INO80: variants seen among roughly 807,000 people sequenced by gnomAD.
INO80 encodes chromatin-remodeling ATPase INO80.
INO80 carries 20 observed loss-of-function variants against 203.4 expected under a neutral mutation model. That is an observed-to-expected ratio of 0.10 (90% CI 0.07 to 0.14). INO80 has a LOEUF of 0.14. Ranked by LOEUF, INO80 falls within the 10% of genes least tolerant of loss-of-function variation. INO80 has a pLI of 1.00. For missense variants in INO80, 1,419 were observed against 1,914.4 expected (o/e 0.74, Z 4.83); for synonymous variants, 726 against 685.2 (o/e 1.06, Z -0.93).
chr15:41,073,438 T>C lies in INO80; in HGVS notation c.1385A>G (p.His462Arg). 6.2e-7 allele frequency: 1 copy of C among 1,614,004 alleles called. No homozygotes were observed. Among genetic ancestry groups the C allele is most frequent in the South Asian group, 1.1e-5 (1 of 91,084 alleles). ...LKNAENAYHI[H>R]QARTRSFDED... ...TATCTGAAGACTCACCCGAGCTTGG[T>C]GAATATGGTAAGCATTTTCAGCATT... Residue 462 changes from histidine (H) to arginine (R), a missense_variant, in exon 11 of 36, where the codon CAC (histidine) becomes CGC (arginine). His to Arg is a conservative substitution (Grantham distance 29). Around this residue, in one of 9 missense-constraint regions of INO80, gnomAD observed 116 missense variants for 119.5 expected, o/e 0.97. Coordinates refer to ENST00000648947, the MANE Select transcript of INO80 (RefSeq NM_017553.3).
chr15:41,025,752 A>G (rs73399694), intron 25 of INO80, among the ~76,000 whole-genome samples: 11,155 of 152,098 alleles, frequency 0.073, 1,180 homozygotes, highest in African/African-American at 0.24. Context: ...CCAAAAAACA[A>G]AACACTGGGA....
chr15:41,025,009 C>G (rs757117482), intron 25 of INO80, among the ~76,000 whole-genome samples: 1 of 152,124 alleles, frequency 6.6e-6, no homozygotes, highest in African/African-American at 2.4e-5. Flanking sequence ...CTAATAATCA[C>G]GGTGTAATTA....
intron 1 of INO80, among the ~76,000 whole-genome samples, chr15:41,098,962 C>G (rs1280187358): frequency 6.6e-6 from 1 of 151,748 alleles, no homozygotes; most frequent in Non-Finnish European, 1.5e-5. Flanking sequence ...ATAAAAAAGA[C>G]AGGCTAGACA....
intron 35 of INO80, among the ~76,000 whole-genome samples, chr15:40,980,944 G>A (rs1185193762): frequency 6.6e-6 from 1 of 152,106 alleles, no homozygotes; most frequent in Non-Finnish European, 1.5e-5. Flanking sequence ...TCCTTGCGCT[G>A]GCAATGGCCA....
chr15:41,035,526 TAAA>T (rs751407826), intron 24 of INO80, among the ~76,000 whole-genome samples: 2 of 132,232 alleles, frequency 1.5e-5, no homozygotes. Context: ...ACTACATCTC[TAAA>T]AAAAAAAAAA....
At chr15:41,092,358 AC>A (rs2045658290) in intron 4 of INO80, among the ~76,000 whole-genome samples, 176 bp from the exon 5 acceptor site, 1 of 152,254 alleles carries the variant, frequency 6.6e-6, no homozygotes, top group Non-Finnish European at 1.5e-5. Context: ...TACTAATTAA[AC>A]TTAGGGAATA....
At chr15:41,101,535 C>T (rs2045806952) in intron 1 of INO80, among the ~76,000 whole-genome samples, 1 of 151,646 alleles carries the variant, frequency 6.6e-6, no homozygotes. Flanking sequence ...CCAACACAAA[C>T]AGACTTTATT....
chr15:40,983,360 G>T (rs1318538387), intron 34 of INO80: 1 of 455,594 alleles, frequency 2.2e-6, no homozygotes, highest in African/African-American at 2.0e-5. Flanking sequence ...CCATTACAAA[G>T]GGAAGCGACT....
At chr15:41,081,198 C>T (rs2045479169) in intron 7 of INO80, 125 bp from the exon 8 acceptor site, 1 of 622,134 alleles carries the variant, frequency 1.6e-6, no homozygotes, top group East Asian at 2.8e-5. Flanking sequence ...AGATATATTA[C>T]TTCTATAAGT....
intron 23 of INO80, among the ~76,000 whole-genome samples, chr15:41,045,327 G>A (rs1022546799): frequency 6.6e-6 from 1 of 151,712 alleles, no homozygotes; most frequent in Non-Finnish European, 1.5e-5. Context: ...AGTGGCTCAC[G>A]CCTGTAATTT....
chr15:41,036,444 A>G (rs994229605), intron 24 of INO80, among the ~76,000 whole-genome samples: 1 of 152,134 alleles, frequency 6.6e-6, no homozygotes, highest in Non-Finnish European at 1.5e-5. Flanking sequence ...GGGCAAAAAT[A>G]ACTAAGTGCA....
rs1231294837 is a variant in INO80, at chr15:41,100,860, CCTCT to C, written c.-43-4511_-43-4508del. Reference sequence around the variant, plus strand: ...TTTTTTTTTTTTGAGACAGAGGCTCCCTCTGTCGCCCAGGCTGGAGCACAATGGG... The same window carrying C: ...TTTTTTTTTTTTGAGACAGAGGCTCCGTCGCCCAGGCTGGAGCACAATGGG... On this transcript the variant is annotated intron_variant, in intron 1 of 35. Transcript: ENST00000648947. 2.7e-4 allele frequency among the ~76,000 whole-genome samples: 40 copies of C among 150,414 alleles called. No homozygotes were observed. In the South Asian group the frequency reaches 4.2e-3, roughly 16 times the overall value.
intron 1 of INO80, 112 bp from the exon 2 acceptor site, chr15:41,096,465 T>A: frequency 1.5e-6 from 1 of 654,354 alleles, no homozygotes; most frequent in Non-Finnish European, 2.3e-6. Flanking sequence ...CACAAGACAC[T>A]GAAAAGACAG....
Position 40,979,376 on chromosome 15 carries a change from C to G in INO80, c.*847G>C, listed in dbSNP as rs1365006164. 6.5e-6 allele frequency: 1 copy of G among 152,806 alleles called. No individual in the cohort carries two copies. The highest frequency in any genetic ancestry group is 2.4e-5 in the African/African-American group (1 of 41,450). The allele number at this position is 152,806 out of a possible 1,614,324, so 9.5% of individuals were successfully genotyped here. ...CCTCACTCCTGCTGTCCCTTCCTCT[C>G]TCAGTGCAATATAGACAGTGCATAC... On this transcript the variant is annotated 3_prime_UTR_variant, in exon 36 of 36. Transcript: ENST00000648947.
chr15:41,108,666 TC>T (rs2045917335), intron 1 of INO80, among the ~76,000 whole-genome samples: 1 of 151,614 alleles, frequency 6.6e-6, no homozygotes, highest in African/African-American at 2.4e-5. Flanking sequence ...ACTCTGGGTC[TC>T]ACTAGTTCCA....
At position 41,052,489 on chromosome 15, in the gene INO80, A is replaced by G. The variant is rs890625876; in HGVS notation, c.2274+1440T>C. 2.6e-5 allele frequency among the ~76,000 whole-genome samples: 4 copies of G among 151,870 alleles called. No homozygotes were observed. The East Asian group carries it at 7.8e-4, about 30-fold the overall frequency. ...GGAGTTCAAGACTAGTCTGGGCAAC[A>G]TAGCAAGATCCTGTCTCTAGAAAAA... On this transcript the variant is annotated intron_variant, in intron 19 of 35. Coordinates refer to ENST00000648947, the MANE Select transcript of INO80 (RefSeq NM_017553.3).
At chr15:41,008,073 C>G (rs1266411138) in intron 27 of INO80, among the ~76,000 whole-genome samples, 1 of 152,136 alleles carries the variant, frequency 6.6e-6, no homozygotes, top group Non-Finnish European at 1.5e-5. Context: ...ACTCAGGAGG[C>G]TGAGGTGGGA....
intron 24 of INO80, among the ~76,000 whole-genome samples, chr15:41,029,437 G>GA (rs1484904130): frequency 6.6e-6 from 1 of 152,206 alleles, no homozygotes; most frequent in African/African-American, 2.4e-5. Flanking sequence ...TCAACAATTT[G>GA]AAGACTATAG....
chr15:40,982,215 CAG>C (rs1893857497), intron 35 of INO80, among the ~76,000 whole-genome samples: 1 of 152,192 alleles, frequency 6.6e-6, no homozygotes, highest in African/African-American at 2.4e-5. Flanking sequence ...GACCTGATCT[CAG>C]TGCACTGAAA....
Sources: allele counts gnomAD v4.1 joint callset (sites outside exome capture counted in the v4.1 genomes callset), GRCh38; gene constraint gnomAD v4.1.1; regional missense constraint gnomAD v4.1.1; transcripts MANE v1.5; gene names NCBI Gene and HGNC (gene_info 2026-07-23, HGNC 2026-07-21).